Variants in LMBRD1 observed in about 807,000 individuals in gnomAD.
LMBRD1 encodes LMBR1 domain containing 1, also known as lysosomal cobalamin transport escort protein LMBD1.
In LMBRD1, 64 loss-of-function variants were observed where a neutral mutation model predicts 74.8. The ratio of observed to expected loss-of-function variants is 0.86; its 90% CI spans 0.70 to 1.05. The LOEUF (loss-of-function observed/expected upper bound fraction) is 1.05, where lower values mean the gene tolerates loss of function less well. Ranked by LOEUF, LMBRD1 falls within the 50% of genes least tolerant of loss-of-function variation. The pLI, the probability that LMBRD1 is intolerant of heterozygous loss-of-function variation, is 0.00. For missense variants in LMBRD1, 652 were observed against 645.9 expected, an observed-to-expected ratio of 1.01 and a Z score of -0.10; for synonymous variants, 204 against 216.3, an observed-to-expected ratio of 0.94 and a Z score of 0.50.
chr6:69,787,645 C>T (rs1179747187), intron 2 of LMBRD1, among the ~76,000 whole-genome samples: 1 of 152,066 alleles, frequency 6.6e-6, no homozygotes, highest in African/African-American at 2.4e-5. Flanking sequence ...ACTCAGGAAG[C>T]TCTGGCAGAA....
In LMBRD1 at chr6:69,713,708, C is replaced by A. The variant is rs1463800812; in HGVS notation, c.852G>T (p.Arg284Ser). 6.2e-7 allele frequency: 1 copy of A among 1,613,640 alleles called. No individual in the cohort carries two copies. The highest frequency in any genetic ancestry group is 8.5e-7 in the Non-Finnish European group (1 of 1,179,680). Residue 284 changes from arginine (R) to serine (S), a missense_variant, in exon 9 of 16, where the codon AGG becomes AGT. Arg to Ser is a moderately radical substitution (Grantham distance 110). Transcript: ENST00000649934. ...ERLRTLKKRE[R>S]HLEFIENSWW... is the part of the protein sequence containing the mutation. Reference sequence around the variant, plus strand: ...AGCTGTTTTCAATGAATTCTAAATGCCTCTCTCTCTTCTTAAGTGTTCGTA... The same window carrying A: ...AGCTGTTTTCAATGAATTCTAAATGACTCTCTCTCTTCTTAAGTGTTCGTA...
intron 7 of LMBRD1, among the ~76,000 whole-genome samples, chr6:69,730,844 T>C (rs951529367): frequency 6.6e-6 from 1 of 152,020 alleles, no homozygotes; most frequent in African/African-American, 2.4e-5. Context: ...AAGGAAGATA[T>C]CCAAAAGAGA....
chr6:69,788,490 A>G (rs561309094), intron 2 of LMBRD1, among the ~76,000 whole-genome samples: 36 of 152,308 alleles, frequency 2.4e-4, no homozygotes, highest in African/African-American at 8.7e-4. Context: ...CAAGAAACAA[A>G]GCGATATACA....
chr6:69,748,376 TA>T (rs1344039782), intron 5 of LMBRD1, among the ~76,000 whole-genome samples: 1 of 152,050 alleles, frequency 6.6e-6, no homozygotes, highest in Non-Finnish European at 1.5e-5. Flanking sequence ...ACTCCAGAGC[TA>T]AAATACATAG....
At chr6:69,690,676 TACC>T (rs1405037958) in intron 14 of LMBRD1, among the ~76,000 whole-genome samples, 2 of 152,292 alleles carry the variant, frequency 1.3e-5, no homozygotes, top group East Asian at 1.9e-4. Flanking sequence ...AGGTAATGGA[TACC>T]ACATTTGCCC....
chr6:69,730,123 T>G (rs1297209561), intron 7 of LMBRD1, among the ~76,000 whole-genome samples: 2 of 152,104 alleles, frequency 1.3e-5, no homozygotes, highest in South Asian at 2.1e-4. Flanking sequence ...GTCTCCAAAT[T>G]TATTTTGACT....
At chr6:69,730,072 G>A (rs1001842958) in intron 7 of LMBRD1, among the ~76,000 whole-genome samples, 10 of 151,730 alleles carry the variant, frequency 6.6e-5, no homozygotes, top group African/African-American at 2.4e-4. Context: ...TAAAGAGATT[G>A]TATAGTTTAA....
At chr6:69,777,518 T>C (rs1052979539) in intron 3 of LMBRD1, among the ~76,000 whole-genome samples, 1 of 151,828 alleles carries the variant, frequency 6.6e-6, no homozygotes, top group Non-Finnish European at 1.5e-5. Context: ...TAATCCTTCT[T>C]ATAAGTAACA....
chr6:69,759,770 G>C (rs7771820), intron 3 of LMBRD1, among the ~76,000 whole-genome samples: 95 of 152,100 alleles, frequency 6.2e-4, no homozygotes, highest in African/African-American at 2.2e-3. Context: ...TTCTAGTGAG[G>C]AAAAGACACA....
intron 9 of LMBRD1, chr6:69,705,960 G>T: frequency 9.8e-7 from 1 of 1,019,594 alleles, no homozygotes; most frequent in Non-Finnish European, 1.5e-6. Context: ...GACTGCCTTT[G>T]TAATACACTG....
intron 3 of LMBRD1, among the ~76,000 whole-genome samples, chr6:69,762,684 T>C (rs989526608): frequency 6.6e-6 from 1 of 151,998 alleles, no homozygotes; most frequent in East Asian, 1.9e-4. Context: ...GTGGGGTCTT[T>C]GGGGGGTAAT....
At chr6:69,781,262 T>A (rs1210133155) in intron 2 of LMBRD1, among the ~76,000 whole-genome samples, 3 of 152,212 alleles carry the variant, frequency 2.0e-5, no homozygotes, top group African/African-American at 7.2e-5. Context: ...AAAAAAAATC[T>A]ATACCCTATT....
intron 7 of LMBRD1, among the ~76,000 whole-genome samples, chr6:69,730,390 C>T (rs937747890): frequency 2.6e-5 from 4 of 151,930 alleles, no homozygotes; most frequent in African/African-American, 9.7e-5. Context: ...CAAAGATGTA[C>T]ATGTTATTAT....
intron 3 of LMBRD1, among the ~76,000 whole-genome samples, chr6:69,769,400 T>C (rs1037914349): frequency 1.3e-5 from 2 of 152,210 alleles, no homozygotes; most frequent in Non-Finnish European, 2.9e-5. Context: ...TTGTCACACT[T>C]TATTTTCATT....
At chr6:69,779,931 G>A (rs1193282492) in intron 3 of LMBRD1, among the ~76,000 whole-genome samples, 2 of 152,114 alleles carry the variant, frequency 1.3e-5, no homozygotes, top group Non-Finnish European at 2.9e-5. Flanking sequence ...AAAAGTTTAG[G>A]CAACCTTTGA....
Position 69,701,451 on chromosome 6 carries a change from G to T in LMBRD1, c.1075C>A (p.Leu359Ile), listed in dbSNP as rs745694228. 2 of 1,578,956 alleles carry T rather than the reference G, an allele frequency of 1.3e-6. No homozygotes were observed. Among genetic ancestry groups the T allele is most frequent in the Non-Finnish European group, 1.7e-6 (2 of 1,149,706 alleles). ...ATTGATATTTTACTTACTGTTTGTA[G>T]TAAAGGCAAAAGCATATTCAGTGGA... ...SNPLNMLLPL[L>I]QTVFPLDYIL... Residue 359 changes from leucine to isoleucine, a missense_variant, in exon 11 of 16, where the codon CTA (leucine) becomes ATA (isoleucine). Coordinates refer to ENST00000649934, the MANE Select transcript of LMBRD1 (RefSeq NM_018368.4).
In LMBRD1 at chr6:69,749,278, A is replaced by T. The variant is rs73745768; in HGVS notation, c.473+63T>A. 33,083 of 1,153,288 alleles carry T rather than the reference A, an allele frequency of 0.029. 2,397 individuals carry two copies. In the African/African-American group the frequency reaches 0.31, roughly 11 times the overall value. The allele number at this position is 1,153,288 out of a possible 1,614,324, so 71.4% of individuals were successfully genotyped here. The stretch of plus-strand genomic sequence containing the variant: ...CTAGATTTTTCTGAATGATCCTTTT[A>T]TTTTTTTTTTCAAATAATTCTATTT... On this transcript the variant is annotated intron_variant, in intron 5 of 15. Coordinates refer to ENST00000649934, the MANE Select transcript of LMBRD1 (RefSeq NM_018368.4).
intron 3 of LMBRD1, among the ~76,000 whole-genome samples, chr6:69,768,600 C>A (rs1262576171): frequency 6.6e-6 from 1 of 151,912 alleles, no homozygotes; most frequent in East Asian, 1.9e-4. Flanking sequence ...AATCTTAAAT[C>A]TTTTACAAAG....
intron 8 of LMBRD1, among the ~76,000 whole-genome samples, chr6:69,717,584 CTACTT>C (rs1462561293): frequency 1.4e-4 from 21 of 152,250 alleles, no homozygotes; most frequent in African/African-American, 4.8e-4. Context: ...ATATATTAAA[CTACTT>C]TAATGTATTT....
Sources: gnomAD v4.1 joint callset for allele counts (sites outside exome capture counted in the v4.1 genomes callset) on GRCh38, gnomAD v4.1.1 for gene constraint, MANE v1.5 for transcripts, NCBI Gene and HGNC (gene_info 2026-07-23, HGNC 2026-07-21) for gene names.